Variants in DNAH14 observed in about 807,000 individuals in gnomAD.
The protein encoded by DNAH14 is axonemal beta dynein heavy chain 14.
A neutral mutation model predicts 520.9 loss-of-function variants in DNAH14; 478 were observed. The ratio of observed to expected loss-of-function variants is 0.92; its 90% confidence interval spans 0.85 to 0.99. The LOEUF (loss-of-function observed/expected upper bound fraction) is 0.99, where lower values mean the gene tolerates loss of function less well. Ranked by LOEUF, DNAH14 falls within the 50% of genes least tolerant of loss-of-function variation. DNAH14 has a pLI of 0.00. For missense variants in DNAH14, 4,831 were observed against 5,234.5 expected (o/e 0.92, Z 2.38); for synonymous variants, 1,581 against 1,757.2 (o/e 0.90, Z 2.51).
intron 23 of DNAH14, among the ~76,000 whole-genome samples, chr1:225,105,128 T>C (rs2075909331): frequency 2.0e-5 from 3 of 152,250 alleles, no homozygotes; most frequent in Admixed American, 2.0e-4. Context: ...TATTTCTACC[T>C]TCATTTCCTT....
chr1:225,349,200 T>C (rs998316292), intron 71 of DNAH14, among the ~76,000 whole-genome samples: 5 of 152,162 alleles, frequency 3.3e-5, no homozygotes, highest in South Asian at 2.1e-4. Context: ...AGTAGAATTT[T>C]TGTATGGGAC....
intron 10 of DNAH14, among the ~76,000 whole-genome samples, chr1:225,019,435 T>G (rs1338603160): frequency 6.6e-6 from 1 of 151,802 alleles, no homozygotes; most frequent in African/African-American, 2.4e-5. Context: ...GTACTGAGAG[T>G]CCTACAAAGA....
chr1:225,323,363 CT>C (rs767307564), intron 62 of DNAH14, among the ~76,000 whole-genome samples: 22 of 152,290 alleles, frequency 1.4e-4, no homozygotes, highest in Non-Finnish European at 3.1e-4. Context: ...TTAAAAGTTT[CT>C]TTTTAAAAAG....
At chr1:225,390,689 GGAA>G (rs1054152074) in intron 83 of DNAH14, among the ~76,000 whole-genome samples, 3 of 152,078 alleles carry the variant, frequency 2.0e-5, no homozygotes, top group Admixed American at 2.0e-4. Context: ...TGCGGACAGG[GGAA>G]GAAGAGAATA....
At chr1:225,238,670 C>A (rs2091769419) in intron 42 of DNAH14, among the ~76,000 whole-genome samples, 1 of 152,132 alleles carries the variant, frequency 6.6e-6, no homozygotes, top group Non-Finnish European at 1.5e-5. Context: ...GGGAGTGGCC[C>A]TTTCTTTCCC....
chr1:225,085,894 A>G (rs1572960213), intron 21 of DNAH14, 105 bp downstream of exon 21: 3 of 1,088,202 alleles, frequency 2.8e-6, no homozygotes, highest in East Asian at 3.0e-5. Flanking sequence ...TAAATCATTC[A>G]TATACTTATA....
chr1:225,239,833 A>C (rs535393499), intron 42 of DNAH14, among the ~76,000 whole-genome samples: 2 of 152,352 alleles, frequency 1.3e-5, no homozygotes, highest in African/African-American at 2.4e-5. Context: ...ATTGCTAATA[A>C]ATTCCAGTTT....
chr1:225,341,520 G>A (rs1414815314), intron 69 of DNAH14, among the ~76,000 whole-genome samples: 1 of 152,112 alleles, frequency 6.6e-6, no homozygotes, highest in East Asian at 1.9e-4. Context: ...TACAAAATTA[G>A]CCAGACTTGG....
chr1:225,152,577 A>T, intron 32 of DNAH14, 120 bp from the exon 33 acceptor site: 1 of 942,872 alleles, frequency 1.1e-6, no homozygotes, highest in East Asian at 2.7e-5. Flanking sequence ...TTGTAAACTA[A>T]TTTTCAGATA....
At chr1:225,100,126 A>G (rs897367322) in intron 22 of DNAH14, among the ~76,000 whole-genome samples, 13 of 152,158 alleles carry the variant, frequency 8.5e-5, no homozygotes, top group Admixed American at 5.3e-4. Flanking sequence ...TCCCTTTTCC[A>G]AAGGGAGAAA....
chr1:225,208,674 A>T (rs764768490), intron 41 of DNAH14, among the ~76,000 whole-genome samples: 1 of 152,166 alleles, frequency 6.6e-6, no homozygotes, highest in Non-Finnish European at 1.5e-5. Flanking sequence ...CCTAAGATTG[A>T]ATAGGATCCT....
intron 1 of DNAH14, among the ~76,000 whole-genome samples, chr1:224,936,484 C>T (rs1269479235): frequency 2.0e-5 from 3 of 151,674 alleles, no homozygotes; most frequent in African/African-American, 4.8e-5. Context: ...ACGGATAAAT[C>T]CCTGGACATA....
At chr1:225,173,146 C>T (rs2082902576) in intron 36 of DNAH14, among the ~76,000 whole-genome samples, 1 of 152,078 alleles carries the variant, frequency 6.6e-6, no homozygotes, top group African/African-American at 2.4e-5. Context: ...GACCTAAAAC[C>T]ATAAAAACCC....
At chr1:225,258,490 A>G (rs2092818970) in intron 45 of DNAH14, among the ~76,000 whole-genome samples, 1 of 152,152 alleles carries the variant, frequency 6.6e-6, no homozygotes, top group Non-Finnish European at 1.5e-5. Context: ...AGATTTTTCT[A>G]TCTTTTACCA....
Position 225,079,353 on chromosome 1 carries a change from T to C in DNAH14, c.2571T>C (p.Val857=), listed in dbSNP as rs1273865146. The change falls in exon 18 of 86, where the codon GTT becomes GTC. Residue 857 remains valine (V), a synonymous_variant. Transcript: ENST00000682510. The part of the protein sequence containing the change: ...EFLTMSQLYS[V]AKHHQIHISE... The stretch of plus-strand genomic sequence containing the variant: ...TAACAATGTCTCAGCTATATTCTGT[T>C]GCAAAGCATCACCAGATCCATATTT... The C allele has an allele frequency of 6.4e-7, 1 of 1,550,932 alleles. No individual in the cohort carries two copies. Among genetic ancestry groups the C allele is most frequent in the Non-Finnish European group, 8.7e-7 (1 of 1,146,788 alleles).
chr1:225,397,526 G>T (rs2096031820), intron 84 of DNAH14: 1 of 152,292 alleles, frequency 6.6e-6, no homozygotes, highest in African/African-American at 2.4e-5. Context: ...GCCCTCCAGG[G>T]TGGCCTGGTA....
At chr1:224,942,021 G>A (rs2059453011) in intron 1 of DNAH14, among the ~76,000 whole-genome samples, 1 of 152,166 alleles carries the variant, frequency 6.6e-6, no homozygotes, top group African/African-American at 2.4e-5. Context: ...GAACTTTAAA[G>A]TAGTTTTTTC....
At chr1:225,363,901 G>A (rs1003712523) in intron 75 of DNAH14, among the ~76,000 whole-genome samples, 3 of 152,268 alleles carry the variant, frequency 2.0e-5, no homozygotes, top group African/African-American at 4.8e-5. Flanking sequence ...TACCTAGTAC[G>A]AGTCAGCAAT....
intron 79 of DNAH14, among the ~76,000 whole-genome samples, chr1:225,378,879 CAAA>C (rs113657495): frequency 7.4e-6 from 1 of 135,380 alleles, no homozygotes; most frequent in Non-Finnish European, 1.5e-5. Context: ...AACTCCGTCC[CAAA>C]AAAAAAAAAA....
Sources: allele counts gnomAD v4.1 joint callset (sites outside exome capture counted in the v4.1 genomes callset), GRCh38; gene constraint gnomAD v4.1.1; transcripts MANE v1.5; gene names NCBI Gene and HGNC (gene_info 2026-07-23, HGNC 2026-07-21).